SEC63: variants seen among roughly 807,000 people sequenced by gnomAD.
The protein encoded by SEC63 is translocation protein SEC63 homolog.
In SEC63, 56 loss-of-function variants were observed where a neutral mutation model predicts 116.2. That is an observed-to-expected ratio of 0.48 (90% CI 0.39 to 0.60). The LOEUF is 0.60. Among genes scored for constraint, SEC63 ranks in the 20% least tolerant of loss-of-function variants. SEC63 has a pLI of 0.00. For missense variants in SEC63, 668 were observed against 900.0 expected (o/e 0.74, Z 3.30); for synonymous variants, 273 against 294.6 (o/e 0.93, Z 0.75).
chr6:107,930,968 G>A (rs994909897), intron 1 of SEC63, among the ~76,000 whole-genome samples: 1 of 151,476 alleles, frequency 6.6e-6, no homozygotes, highest in Non-Finnish European at 1.5e-5. Flanking sequence ...CTGGGCAACA[G>A]AATAAAACTC....
At position 107,929,505 on chromosome 6, in the gene SEC63, C is replaced by T. The variant is rs776992420; in HGVS notation, c.134G>A (p.Arg45Gln). ...ATATACTTTTCTGATATTCTTTAAT[C>T]GAATTTGCTCTGTCAAGAAAGAAAA... is the stretch of plus-strand genomic sequence containing the variant. ...WPRDQNAEQI[R>Q]LKNIRKVYGR... The change falls in exon 2 of 21, where the codon CGA (arginine) becomes CAA (glutamine). Residue 45 changes from arginine (R) to glutamine (Q), a missense_variant. This residue lies in a region of SEC63 where 142 missense variants were observed against 169.5 expected (regional missense o/e 0.84). Transcript: ENST00000369002. The T allele has an allele frequency of 1.9e-6, 3 of 1,585,576 alleles. No homozygotes were observed. The highest frequency in any genetic ancestry group is 1.3e-5 in the African/African-American group (1 of 74,444).
intron 2 of SEC63, 49 bp from the exon 3 acceptor site, chr6:107,924,981 A>T: frequency 9.5e-7 from 1 of 1,054,876 alleles, no homozygotes; most frequent in Non-Finnish European, 1.5e-6. Flanking sequence ...ATCTGCATAG[A>T]GTCTAAAGAC....
chr6:107,914,929 G>A lies in SEC63; in HGVS notation c.453-1502C>T, dbSNP rs567050868. On this transcript the variant is annotated intron_variant, in intron 4 of 20. Coordinates refer to ENST00000369002, the MANE Select transcript of SEC63 (RefSeq NM_007214.5). ...GATTTTGCAACCTACACAGACCTACGAGTTACGATTACATTAACTCACTCA... is the reference window on the plus strand; with the variant it reads ...GATTTTGCAACCTACACAGACCTACAAGTTACGATTACATTAACTCACTCA... Among the ~76,000 whole-genome samples, 28 of 152,168 alleles carry A rather than the reference G, an allele frequency of 1.8e-4. No homozygotes were observed. In the South Asian group the frequency reaches 2.9e-3, roughly 16 times the overall value.
At chr6:107,947,509 T>C (rs1770501498) in intron 1 of SEC63, among the ~76,000 whole-genome samples, 1 of 151,156 alleles carries the variant, frequency 6.6e-6, no homozygotes, top group Admixed American at 6.6e-5. Context: ...GAGATTGAGG[T>C]TGCAGTGGAG....
intron 1 of SEC63, among the ~76,000 whole-genome samples, chr6:107,942,773 C>T (rs1387004223): frequency 1.3e-5 from 2 of 152,092 alleles, no homozygotes; most frequent in Non-Finnish European, 2.9e-5. Context: ...GTATTATATA[C>T]TGCATGCTTA....
intron 13 of SEC63, among the ~76,000 whole-genome samples, chr6:107,900,720 A>G (rs1023459357): frequency 6.6e-6 from 1 of 152,198 alleles, no homozygotes; most frequent in Non-Finnish European, 1.5e-5. Flanking sequence ...TTGGTAACTA[A>G]AAGAATGTTC....
intron 1 of SEC63, among the ~76,000 whole-genome samples, chr6:107,933,865 C>T (rs999438097): frequency 6.6e-5 from 10 of 152,208 alleles, no homozygotes; most frequent in Non-Finnish European, 1.0e-4. Context: ...CGATTGCAGG[C>T]GCGCGCCGCC....
intron 16 of SEC63, among the ~76,000 whole-genome samples, chr6:107,885,294 T>C (rs1786502228): frequency 6.6e-6 from 1 of 152,248 alleles, no homozygotes; most frequent in Admixed American, 6.5e-5. Context: ...TACAAATGGT[T>C]AGAATTATTG....
At chr6:107,876,909 T>C (rs1786288542) in intron 18 of SEC63, 2 of 426,234 alleles carry the variant, frequency 4.7e-6, no homozygotes. Context: ...AACCTATTGA[T>C]TGGCCTTCAT....
intron 20 of SEC63, 48 bp from the exon 21 acceptor site, chr6:107,871,895 A>C (rs958024468): frequency 1.9e-6 from 3 of 1,595,472 alleles, no homozygotes; most frequent in Non-Finnish European, 2.6e-6. Context: ...GGGAGAAATA[A>C]TGGAAGAAAT....
rs1458682689 is a variant in SEC63, at chr6:107,872,923, AAATC to A, written c.2035-15_2035-12del. ...AAACTTCAGCTCTACCTAGAAGATAAAATCAGCACTTAAAAATCTGTATTATGGG... is the reference window on the plus strand; with the variant it reads ...AAACTTCAGCTCTACCTAGAAGATAAAGCACTTAAAAATCTGTATTATGGG... On this transcript the variant is annotated splice_polypyrimidine_tract_variant and intron_variant, in intron 19 of 20. Transcript: ENST00000369002. 1 of 1,502,704 alleles carries A rather than the reference AAATC, an allele frequency of 6.7e-7. No individual in the cohort carries two copies. Among genetic ancestry groups the A allele is most frequent in the Non-Finnish European group, 9.1e-7 (1 of 1,102,274 alleles). 93.1% of individuals were successfully genotyped at this position (1,502,704 alleles called of 1,614,324 possible). A position where few individuals can be genotyped will look rare whatever the true frequency, so the allele number is the denominator to read the frequency against.
intron 18 of SEC63, 177 bp downstream of exon 18, chr6:107,880,972 C>T (rs1786401506): frequency 3.5e-6 from 2 of 564,864 alleles, no homozygotes; most frequent in Admixed American, 3.0e-5. Flanking sequence ...ATAAGCAACA[C>T]GTTCACTAAG....
intron 1 of SEC63, among the ~76,000 whole-genome samples, chr6:107,951,482 G>C (rs564400242): frequency 2.0e-5 from 3 of 152,186 alleles, no homozygotes; most frequent in Non-Finnish European, 2.9e-5. Context: ...TGTTAGCAAA[G>C]AGCACATAGC....
In SEC63 at chr6:107,897,554, T is replaced by C. The variant is rs536059397; in HGVS notation, c.1440+95A>G. 5 of 890,724 alleles carry C rather than the reference T, an allele frequency of 5.6e-6. No homozygotes were observed. The Admixed American group carries it at 7.6e-5, about 14-fold the overall frequency. 55.2% of individuals were successfully genotyped at this position (890,724 alleles called of 1,614,324 possible). A position where few individuals can be genotyped will look rare whatever the true frequency, so the allele number is the denominator to read the frequency against. On this transcript the variant is annotated intron_variant, in intron 14 of 20. Coordinates refer to ENST00000369002, the MANE Select transcript of SEC63 (RefSeq NM_007214.5). ...CAGAATTTGCAAAATTAGATCTTGGTATTACAACAGTTTTGACTTTGACAA... is the reference window on the plus strand; with the variant it reads ...CAGAATTTGCAAAATTAGATCTTGGCATTACAACAGTTTTGACTTTGACAA...
intron 18 of SEC63, among the ~76,000 whole-genome samples, chr6:107,880,757 T>G (rs1056939064): frequency 6.6e-6 from 1 of 152,130 alleles, no homozygotes; most frequent in South Asian, 2.1e-4. Context: ...AATTTAAGAA[T>G]TTTTTCATCC....
At chr6:107,902,620 AC>A (rs1433788588) in intron 12 of SEC63, among the ~76,000 whole-genome samples, 2 of 152,150 alleles carry the variant, frequency 1.3e-5, no homozygotes, top group Non-Finnish European at 2.9e-5. Flanking sequence ...AAATGCAACA[AC>A]CCCCAAAATA....
chr6:107,939,005 G>A (rs1045488129), intron 1 of SEC63, among the ~76,000 whole-genome samples: 6 of 152,044 alleles, frequency 3.9e-5, no homozygotes, highest in East Asian at 3.9e-4. Context: ...TACAATGGCC[G>A]GGCACAGTAG....
intron 1 of SEC63, among the ~76,000 whole-genome samples, chr6:107,942,770 A>ACC: frequency 4.6e-5 from 7 of 152,250 alleles, no homozygotes; most frequent in Non-Finnish European, 7.3e-5. Flanking sequence ...TATGTATTAT[A>ACC]TACTGCATGC....
chr6:107,896,250 G>A (rs1027888003), intron 14 of SEC63, among the ~76,000 whole-genome samples: 1 of 152,158 alleles, frequency 6.6e-6, no homozygotes, highest in Non-Finnish European at 1.5e-5. Flanking sequence ...GATCACTTGA[G>A]GTCAGGATTT....
Sources: allele counts gnomAD v4.1 joint callset (sites outside exome capture counted in the v4.1 genomes callset), GRCh38; gene constraint gnomAD v4.1.1; regional missense constraint gnomAD v4.1.1; transcripts MANE v1.5; gene names NCBI Gene and HGNC (gene_info 2026-07-23, HGNC 2026-07-21).